The following DOCK4 variants were observed in gnomAD, a reference collection of about 807,000 sequenced individuals.
DOCK4 encodes the protein dedicator of cytokinesis protein 4.
A neutral mutation model predicts 268.1 loss-of-function variants in DOCK4; 97 were observed. The ratio of observed to expected loss-of-function variants is 0.36; its 90% CI spans 0.31 to 0.43. DOCK4 has a LOEUF of 0.43. Among genes scored for constraint, DOCK4 ranks in the 20% least tolerant of loss-of-function variants. The pLI is 1.00. For synonymous variants in DOCK4, 954 were observed against 887.2 expected (o/e 1.08, Z -1.34); for missense variants, 2,145 against 2,455.7 (o/e 0.87, Z 2.67).
intron 1 of DOCK4, among the ~76,000 whole-genome samples, chr7:112,181,638 T>C (rs1444839317): frequency 2.3e-4 from 3 of 13,222 alleles, no homozygotes; most frequent in South Asian, 3.6e-3. Flanking sequence ...AGACACTGTC[T>C]CAAAAAAAAA....
chr7:111,827,489 G>C (rs1802493473), intron 26 of DOCK4, among the ~76,000 whole-genome samples: 1 of 152,046 alleles, frequency 6.6e-6, no homozygotes, highest in African/African-American at 2.4e-5. Context: ...CAAATAATGA[G>C]AGTGCATTAT....
intron 1 of DOCK4, among the ~76,000 whole-genome samples, chr7:112,187,489 A>T (rs1056201067): frequency 1.1e-4 from 17 of 152,198 alleles, no homozygotes; most frequent in Non-Finnish European, 1.8e-4. Context: ...AAAATGAAGG[A>T]ACACTTTCTT....
chr7:111,733,956 G>T (rs758835071), intron 51 of DOCK4, among the ~76,000 whole-genome samples: 84 of 152,258 alleles, frequency 5.5e-4, no homozygotes, highest in Admixed American at 4.4e-3. Flanking sequence ...ATTGTGTTTT[G>T]TGGCAAGGTC....
intron 15 of DOCK4, 116 bp from the exon 16 acceptor site, chr7:111,895,834 T>G (rs563269020): frequency 6.5e-6 from 6 of 921,620 alleles, no homozygotes; most frequent in Non-Finnish European, 1.0e-5. Context: ...CACTACACAA[T>G]GCAGCACAGC....
intron 1 of DOCK4, among the ~76,000 whole-genome samples, chr7:112,123,291 G>A (rs1812909112): frequency 6.6e-6 from 1 of 152,160 alleles, no homozygotes; most frequent in South Asian, 2.1e-4. Context: ...TGGGAGAGAT[G>A]GTGGCTGAGG....
intron 1 of DOCK4, among the ~76,000 whole-genome samples, chr7:112,107,704 T>C (rs959535454): frequency 1.3e-5 from 2 of 152,196 alleles, no homozygotes; most frequent in East Asian, 1.9e-4. Flanking sequence ...GCACCTGGGA[T>C]GAGCCCTAGA....
At chr7:111,730,694 C>T (rs868132105) in intron 52 of DOCK4, among the ~76,000 whole-genome samples, 27 of 152,168 alleles carry the variant, frequency 1.8e-4, no homozygotes, top group Middle Eastern at 3.4e-3. Flanking sequence ...CACTGCAAGG[C>T]TAGTAACATG....
chr7:111,835,014 C>G (rs1237461083), intron 25 of DOCK4, among the ~76,000 whole-genome samples: 2 of 152,086 alleles, frequency 1.3e-5, no homozygotes, highest in Non-Finnish European at 1.5e-5. Context: ...TGATCATTTA[C>G]TGAGCATTTA....
chr7:111,769,771 T>C (rs1030172856), intron 36 of DOCK4, 94 bp from the exon 37 acceptor site: 9 of 1,410,720 alleles, frequency 6.4e-6, no homozygotes, highest in African/African-American at 5.8e-5. Flanking sequence ...GGAAAAAAAA[T>C]ACTATTTTCT....
intron 1 of DOCK4, among the ~76,000 whole-genome samples, chr7:112,171,029 T>A (rs992158142): frequency 6.6e-6 from 1 of 152,178 alleles, no homozygotes; most frequent in African/African-American, 2.4e-5. Context: ...GAACCAGACT[T>A]CTTCGACCAA....
intron 1 of DOCK4, among the ~76,000 whole-genome samples, chr7:112,005,631 T>C (rs1800794117): frequency 6.6e-6 from 1 of 152,222 alleles, no homozygotes; most frequent in South Asian, 2.1e-4. Flanking sequence ...GACAGTAGAT[T>C]GACTGCAATT....
chr7:111,973,389 T>C (rs1007139153), intron 8 of DOCK4, among the ~76,000 whole-genome samples: 1 of 151,936 alleles, frequency 6.6e-6, no homozygotes, highest in East Asian at 1.9e-4. Flanking sequence ...AACTATACCA[T>C]CTTTTGTCCA....
intron 8 of DOCK4, among the ~76,000 whole-genome samples, chr7:111,956,659 T>A (rs772772482): frequency 2.0e-5 from 3 of 152,194 alleles, no homozygotes; most frequent in Non-Finnish European, 2.9e-5. Flanking sequence ...AATACATAAT[T>A]GACTATTCCC....
intron 38 of DOCK4, among the ~76,000 whole-genome samples, chr7:111,766,158 G>A (rs538025931): frequency 3.3e-5 from 5 of 152,220 alleles, no homozygotes; most frequent in South Asian, 2.1e-4. Flanking sequence ...TTTCTCTTTC[G>A]TTTTCATGTT....
At chr7:111,901,504 TAAAAA>T (rs1191556213) in intron 14 of DOCK4, among the ~76,000 whole-genome samples, 168 bp downstream of exon 14, 2 of 151,656 alleles carry the variant, frequency 1.3e-5, no homozygotes, top group Non-Finnish European at 2.9e-5. Flanking sequence ...TTTAGTGAAT[TAAAAA>T]ACAAAAGAAA....
intron 8 of DOCK4, among the ~76,000 whole-genome samples, chr7:111,969,963 C>G (rs1309197951): frequency 1.3e-5 from 2 of 152,184 alleles, no homozygotes; most frequent in East Asian, 3.9e-4. Flanking sequence ...CTTCCTTTCT[C>G]TGGCCCATGG....
At chr7:111,730,496 G>A (rs1431555524) in intron 52 of DOCK4, among the ~76,000 whole-genome samples, 1 of 152,124 alleles carries the variant, frequency 6.6e-6, no homozygotes, top group African/African-American at 2.4e-5. Flanking sequence ...TCATTTAGTA[G>A]GAGCCTAACA....
intron 30 of DOCK4, among the ~76,000 whole-genome samples, chr7:111,798,854 C>T (rs1172284529): frequency 2.0e-5 from 3 of 152,164 alleles, no homozygotes; most frequent in Admixed American, 6.5e-5. Context: ...GCTCATGTTG[C>T]CATTTGAAAG....
intron 1 of DOCK4, among the ~76,000 whole-genome samples, chr7:112,115,651 A>AT (rs58158906): frequency 0.58 from 87,522 of 150,132 alleles, 27,552 homozygotes; most frequent in African/African-American, 0.84. Flanking sequence ...CCATCCATCC[A>AT]CCCATCCATC....
Sources: allele counts gnomAD v4.1 joint callset (sites outside exome capture counted in the v4.1 genomes callset), GRCh38; gene constraint gnomAD v4.1.1; transcripts MANE v1.5; gene names NCBI Gene and HGNC (gene_info 2026-07-23, HGNC 2026-07-21).